Variants in CTNND2 observed in about 807,000 individuals in gnomAD.
CTNND2 encodes the protein catenin delta 2.
Under a neutral mutation model 144.4 loss-of-function variants are expected in CTNND2, and 22 were observed. The ratio of observed to expected loss-of-function variants is 0.15; its 90% CI spans 0.11 to 0.22. The LOEUF (loss-of-function observed/expected upper bound fraction) is 0.22. CTNND2 is among the 10% of genes least tolerant of loss of function. CTNND2 has a pLI of 1.00. For synonymous variants in CTNND2, 751 were observed against 695.6 expected (o/e 1.08, Z -1.25); for missense variants, 1,353 against 1,618.8 (o/e 0.84, Z 2.82).
At chr5:11,416,029 T>C (rs1459712606) in intron 3 of CTNND2, among the ~76,000 whole-genome samples, 1 of 152,088 alleles carries the variant, frequency 6.6e-6, no homozygotes, top group Non-Finnish European at 1.5e-5. Context: ...GGCTGTCTGA[T>C]CCTGAAGAAT....
At chr5:11,282,269 AC>A (rs1561146011) in intron 9 of CTNND2, among the ~76,000 whole-genome samples, 1 of 152,142 alleles carries the variant, frequency 6.6e-6, no homozygotes, top group Non-Finnish European at 1.5e-5. Flanking sequence ...GCTTCCTACC[AC>A]AGCACTCAGG....
intron 15 of CTNND2, among the ~76,000 whole-genome samples, chr5:11,092,987 C>A (rs897073774): frequency 6.6e-6 from 1 of 152,192 alleles, no homozygotes; most frequent in South Asian, 2.1e-4. Context: ...AGTTCTCTTG[C>A]ATTTTTTATT....
At chr5:11,714,714 G>C (rs957797545) in intron 2 of CTNND2, among the ~76,000 whole-genome samples, 1 of 151,918 alleles carries the variant, frequency 6.6e-6, no homozygotes, top group Non-Finnish European at 1.5e-5. Context: ...AGACTATCCT[G>C]GCTAACACAG....
intron 3 of CTNND2, among the ~76,000 whole-genome samples, chr5:11,520,111 C>A (rs1385123850): frequency 2.7e-5 from 4 of 147,772 alleles, no homozygotes; most frequent in Middle Eastern, 3.6e-3. Context: ...CACGCCACTG[C>A]ACTCTAGCCT....
chr5:11,854,579 A>C (rs1473735943), intron 1 of CTNND2, among the ~76,000 whole-genome samples: 1 of 152,254 alleles, frequency 6.6e-6, no homozygotes, highest in Non-Finnish European at 1.5e-5. Context: ...GAAAGAGCAC[A>C]GTAAACACTT....
chr5:11,348,670 T>TAA (rs1455752224), intron 8 of CTNND2, among the ~76,000 whole-genome samples: 2 of 151,982 alleles, frequency 1.3e-5, no homozygotes, highest in African/African-American at 4.8e-5. Context: ...GTCTTTTTGT[T>TAA]AAGAAAACAA....
At chr5:11,018,934 C>T (rs898704316) in intron 17 of CTNND2, among the ~76,000 whole-genome samples, 1 of 152,026 alleles carries the variant, frequency 6.6e-6, no homozygotes, top group Non-Finnish European at 1.5e-5. Flanking sequence ...GTCTCGAACT[C>T]CTGACCTCGT....
intron 7 of CTNND2, among the ~76,000 whole-genome samples, chr5:11,373,766 A>G (rs1185733745): frequency 6.6e-6 from 1 of 152,212 alleles, no homozygotes; most frequent in Non-Finnish European, 1.5e-5. Context: ...AGACTCTTTA[A>G]GGCTGAAGCT....
At chr5:11,002,523 G>C (rs1388083135) in intron 18 of CTNND2, among the ~76,000 whole-genome samples, 1 of 152,176 alleles carries the variant, frequency 6.6e-6, no homozygotes, top group South Asian at 2.1e-4. Flanking sequence ...AGAGAAGGTG[G>C]GAGGGGAGAG....
chr5:11,596,604 T>C (rs566911062), intron 2 of CTNND2, among the ~76,000 whole-genome samples: 3 of 152,344 alleles, frequency 2.0e-5, no homozygotes, highest in African/African-American at 7.2e-5. Flanking sequence ...CGTAACTATA[T>C]ACATGTTTTT....
intron 2 of CTNND2, among the ~76,000 whole-genome samples, chr5:11,640,336 G>A (rs1781935903): frequency 6.6e-6 from 1 of 152,138 alleles, no homozygotes; most frequent in Non-Finnish European, 1.5e-5. Context: ...TACAGCTTAT[G>A]CAAGGTTCAC....
chr5:11,606,888 G>A (rs1780077478), intron 2 of CTNND2, among the ~76,000 whole-genome samples: 2 of 152,132 alleles, frequency 1.3e-5, no homozygotes, highest in African/African-American at 2.4e-5. Flanking sequence ...ACATATGTTA[G>A]CATCCCAATC....
At chr5:11,622,307 C>G (rs2727582) in intron 2 of CTNND2, among the ~76,000 whole-genome samples, 1 of 152,064 alleles carries the variant, frequency 6.6e-6, no homozygotes, top group Non-Finnish European at 1.5e-5. Context: ...AGTAAATGAA[C>G]TTATTTTCTT....
At chr5:11,249,825 G>C (rs559899897) in intron 9 of CTNND2, among the ~76,000 whole-genome samples, 2 of 150,316 alleles carry the variant, frequency 1.3e-5, no homozygotes, top group East Asian at 3.9e-4. Context: ...CATTTAATTA[G>C]ATCTACAGTC....
intron 9 of CTNND2, among the ~76,000 whole-genome samples, chr5:11,337,089 T>G (rs911989875): frequency 6.6e-6 from 1 of 152,198 alleles, no homozygotes; most frequent in Non-Finnish European, 1.5e-5. Context: ...AAATCTTCCT[T>G]TGATACCTTT....
chr5:11,230,819 A>G (rs972342980), intron 10 of CTNND2, among the ~76,000 whole-genome samples: 3 of 152,208 alleles, frequency 2.0e-5, no homozygotes, highest in African/African-American at 7.2e-5. Flanking sequence ...TCTACAAAGT[A>G]TTTAAAGCTA....
chr5:11,023,541 A>G (rs905569081), intron 16 of CTNND2, among the ~76,000 whole-genome samples: 9 of 152,218 alleles, frequency 5.9e-5, no homozygotes, highest in African/African-American at 1.9e-4. Flanking sequence ...GCTTTGATTC[A>G]TTTAAAGCAA....
chr5:11,686,973 C>A (rs1320488001), intron 2 of CTNND2, among the ~76,000 whole-genome samples: 3 of 151,456 alleles, frequency 2.0e-5, no homozygotes, highest in African/African-American at 7.3e-5. Context: ...TTTCATTTCC[C>A]ATCCCTCCCA....
At chr5:11,411,104 C>T (rs1761494266) in intron 5 of CTNND2, among the ~76,000 whole-genome samples, 1 of 152,030 alleles carries the variant, frequency 6.6e-6, no homozygotes, top group Non-Finnish European at 1.5e-5. Context: ...AAACTCTTGA[C>T]CTTGTGATCT....
Sources: allele counts gnomAD v4.1 joint callset (sites outside exome capture counted in the v4.1 genomes callset), GRCh38; gene constraint gnomAD v4.1.1; transcripts MANE v1.5; gene names NCBI Gene and HGNC (gene_info 2026-07-23, HGNC 2026-07-21).